The following ARHGEF11 variants were observed in gnomAD, a reference collection of about 807,000 sequenced individuals.
ARHGEF11 encodes Rho guanine exchange factor (GEF) 11.
ARHGEF11 carries 55 observed loss-of-function variants against 193.7 expected under a neutral mutation model. The observed-to-expected ratio is 0.28, with a 90% CI of 0.23 to 0.36. The LOEUF (loss-of-function observed/expected upper bound fraction) is 0.36. ARHGEF11 is among the 10% of genes least tolerant of loss of function. The pLI, the probability that ARHGEF11 is intolerant of heterozygous loss-of-function variation, is 1.00. For missense variants in ARHGEF11, 1,723 were observed against 2,005.6 expected (o/e 0.86, Z 2.69); for synonymous variants, 693 against 768.0 (o/e 0.90, Z 1.62).
chr1:156,956,569 A>G lies in ARHGEF11; in HGVS notation c.1527-5T>C. ...AGGGCGAAGTCCATGGGGGCGCTGTAAAAGAGGAACAGTGTCCTGAATCAG... is the reference window on the plus strand; with the variant it reads ...AGGGCGAAGTCCATGGGGGCGCTGTGAAAGAGGAACAGTGTCCTGAATCAG... On this transcript the variant is annotated splice_region_variant and splice_polypyrimidine_tract_variant and intron_variant, in intron 18 of 40. Coordinates refer to ENST00000368194, the MANE Select transcript of ARHGEF11 (RefSeq NM_198236.3). 6.2e-7 allele frequency: 1 copy of G among 1,614,164 alleles called. No individual in the cohort carries two copies. Among genetic ancestry groups the G allele is most frequent in the Admixed American group, 1.7e-5 (1 of 60,030 alleles).
chr1:156,955,915 A>C (rs1174666369), intron 19 of ARHGEF11, 116 bp from the exon 20 acceptor site: 1 of 794,408 alleles, frequency 1.3e-6, no homozygotes, highest in Non-Finnish European at 2.2e-6. Flanking sequence ...TGGAGAGCTG[A>C]CTCTTGCTGG....
In ARHGEF11 at chr1:156,948,698, C is replaced by T. The variant is rs1013236068; in HGVS notation, c.1926-200G>A. The T allele has an allele frequency of 1.3e-6, 2 of 1,524,432 alleles. No individual in the cohort carries two copies. The highest frequency in any genetic ancestry group is 8.8e-7 in the Non-Finnish European group (1 of 1,140,376). 94.4% of individuals were successfully genotyped at this position (1,524,432 alleles called of 1,614,324 possible). ...TTTTGCTGCTCTACAAACTCCTCCT[C>T]TCTCCCCAGCCTAGCCTGATGGATG... On this transcript the variant is annotated intron_variant, in intron 22 of 40. Coordinates refer to ENST00000368194, the MANE Select transcript of ARHGEF11 (RefSeq NM_198236.3). This position sits in a 1 kb window ranked among gnomAD's most constrained non-coding sequence, Gnocchi z 4.2.
At chr1:156,985,963 C>G in intron 2 of ARHGEF11, 119 bp downstream of exon 2, 1 of 798,028 alleles carries the variant, frequency 1.3e-6, no homozygotes, top group Non-Finnish European at 2.1e-6. Context: ...GCATAGCACA[C>G]TACAGACCAG....
In ARHGEF11 at chr1:156,948,049, T is replaced by C; in HGVS notation, c.2154-93A>G. 1.9e-6 allele frequency: 3 copies of C among 1,548,840 alleles called. No individual in the cohort carries two copies. Among genetic ancestry groups the C allele is most frequent in the South Asian group, 1.2e-5 (1 of 81,938 alleles). On this transcript the variant is annotated intron_variant, in intron 24 of 40. Transcript: ENST00000368194. The surrounding 1 kb of genome is among the most constrained non-coding windows in gnomAD (Gnocchi z 4.2). ...TCTCCTGCCCGACCTGCTTGCCCCA[T>C]GCACATGGGAAACCAGTGGGCCCAG...
chr1:156,970,687 A>G (rs918810040), intron 8 of ARHGEF11, among the ~76,000 whole-genome samples: 3 of 152,222 alleles, frequency 2.0e-5, no homozygotes, highest in South Asian at 2.1e-4. Context: ...TCTCAGACTC[A>G]TCACCTCATA....
At chr1:157,018,911 T>G (rs968780086) in intron 1 of ARHGEF11, among the ~76,000 whole-genome samples, 2 of 152,214 alleles carry the variant, frequency 1.3e-5, no homozygotes, top group African/African-American at 4.8e-5. Flanking sequence ...CCAGAACAAC[T>G]GGACCTCATA....
chr1:156,962,828 G>A (rs1212076984), intron 13 of ARHGEF11, among the ~76,000 whole-genome samples: 1 of 135,924 alleles, frequency 7.4e-6, no homozygotes, highest in Non-Finnish European at 1.5e-5. Flanking sequence ...GCAGTGAGCT[G>A]AGATCGCGCC....
In ARHGEF11 at chr1:156,968,105, G is replaced by A. The variant is rs373600013; in HGVS notation, c.845C>T (p.Ser282Leu). The A allele has an allele frequency of 2.0e-5, 33 of 1,610,364 alleles. No individual in the cohort carries two copies. The highest frequency in any genetic ancestry group is 1.1e-4 in the African/African-American group (8 of 74,840). Reference sequence around the variant, plus strand: ...GTCTAGCCCAGGGTCTGACAGTACCGAGTTCCGATTCATCAATGACTAGAG... The same window carrying A: ...GTCTAGCCCAGGGTCTGACAGTACCAAGTTCCGATTCATCAATGACTAGAG... ...SLSESLMNRN[S>L]VLSDPGLDSP... is the part of the protein sequence containing the mutation. Residue 282 changes from serine to leucine, a missense_variant, in exon 11 of 41, where the codon TCG (serine) becomes TTG (leucine). Ser to Leu is a moderately radical substitution (Grantham distance 145). Coordinates refer to ENST00000368194, the MANE Select transcript of ARHGEF11 (RefSeq NM_198236.3).
In ARHGEF11 at chr1:157,044,548, C is replaced by A; in HGVS notation, c.-218G>T. ...TCTCAGCCCCTCTTCCCCTCCCCCG[C>A]TTTAAAAAAAAAGAAAAGAAAAGAA... On this transcript the variant is annotated 5_prime_UTR_variant, in exon 1 of 41. Coordinates refer to ENST00000368194, the MANE Select transcript of ARHGEF11 (RefSeq NM_198236.3). 4.8e-6 allele frequency: 2 copies of A among 420,728 alleles called. No homozygotes were observed. Among genetic ancestry groups the A allele is most frequent in the Non-Finnish European group, 8.4e-6 (2 of 237,786 alleles). 26.1% of individuals were successfully genotyped at this position (420,728 alleles called of 1,614,324 possible).
chr1:156,970,838 G>C (rs1199442447), intron 8 of ARHGEF11, among the ~76,000 whole-genome samples: 1 of 152,168 alleles, frequency 6.6e-6, no homozygotes, highest in African/African-American at 2.4e-5. Flanking sequence ...TTGCCCAAGA[G>C]TCTTTAAGCT....
rs746425691 is a variant in ARHGEF11 at position 156,947,885 on chromosome 1, C to T, written c.2225G>A (p.Gly742Asp). 1.2e-6 allele frequency: 2 copies of T among 1,614,140 alleles called. No homozygotes were observed. The highest frequency in any genetic ancestry group is 3.3e-5 in the Admixed American group (2 of 60,012). The change falls in exon 25 of 41, where the codon GGC becomes GAC. Residue 742 changes from glycine to aspartate, a missense_variant. By Grantham distance (94) the Gly-to-Asp change is moderately conservative (BLOSUM62 -1). Around this residue, in one of 5 missense-constraint regions of ARHGEF11, gnomAD observed 491 missense variants for 654.5 expected, o/e 0.75. Coordinates refer to ENST00000368194, the MANE Select transcript of ARHGEF11 (RefSeq NM_198236.3). ...CTCTGGCTCCAGGTCAGACAGCTGG[C>T]CCAGATCATCCTCTAGGAGGTGGGG... is the stretch of plus-strand genomic sequence containing the variant. ...LLPHLLEDDL[G>D]QLSDLEPEPD... is the part of the protein sequence containing the mutation.
chr1:156,969,222 G>A (rs1189241221), intron 10 of ARHGEF11, 60 bp downstream of exon 10: 15 of 1,428,662 alleles, frequency 1.0e-5, no homozygotes, highest in Non-Finnish European at 1.4e-5. Context: ...GCAGAACTTG[G>A]GTCAAGGGAA....
At chr1:156,985,828 C>T (rs1664839523) in intron 2 of ARHGEF11, 1 of 343,398 alleles carries the variant, frequency 2.9e-6, no homozygotes, top group South Asian at 4.2e-5. Flanking sequence ...TACTGATAAG[C>T]ATGGGTGTTC....
At chr1:157,040,565 A>G (rs1432363919) in intron 1 of ARHGEF11, among the ~76,000 whole-genome samples, 1 of 152,260 alleles carries the variant, frequency 6.6e-6, no homozygotes, top group Admixed American at 6.5e-5. Flanking sequence ...AAGGAGATTC[A>G]GTAACCCTTC....
At chr1:156,966,726 A>T (rs1286598839) in intron 11 of ARHGEF11, among the ~76,000 whole-genome samples, 1 of 152,260 alleles carries the variant, frequency 6.6e-6, no homozygotes, top group Non-Finnish European at 1.5e-5. Flanking sequence ...TTAACCCAGG[A>T]AAAATTTCAG....
chr1:157,006,613 GC>G (rs1667860978), intron 1 of ARHGEF11, among the ~76,000 whole-genome samples: 1 of 152,202 alleles, frequency 6.6e-6, no homozygotes, highest in Non-Finnish European at 1.5e-5. Context: ...GACAGCTCTG[GC>G]CTGGGGCTCA....
At chr1:156,955,447 C>T (rs1368336608) in intron 20 of ARHGEF11, among the ~76,000 whole-genome samples, 2 of 152,148 alleles carry the variant, frequency 1.3e-5, no homozygotes, top group African/African-American at 2.4e-5. Flanking sequence ...CTCACGTGGT[C>T]GTTTGGTAGC....
intron 1 of ARHGEF11, among the ~76,000 whole-genome samples, chr1:156,986,996 A>C (rs903570272): frequency 4.6e-5 from 7 of 152,044 alleles, no homozygotes. Context: ...ACTACTAAAG[A>C]CCCCAAACCT....
At chr1:156,954,011 G>A (rs1012423350) in intron 21 of ARHGEF11, among the ~76,000 whole-genome samples, 1 of 152,052 alleles carries the variant, frequency 6.6e-6, no homozygotes, top group African/African-American at 2.4e-5. Context: ...AAAAACTGTT[G>A]GAGACCCATA....
Sources: allele counts gnomAD v4.1 joint callset (sites outside exome capture counted in the v4.1 genomes callset), GRCh38; gene constraint gnomAD v4.1.1; regional missense constraint gnomAD v4.1.1; non-coding constraint Gnocchi (gnomAD v3.1); transcripts MANE v1.5; gene names NCBI Gene and HGNC (gene_info 2026-07-23, HGNC 2026-07-21).